The following CLDN14 variants were observed in gnomAD, a reference collection of about 807,000 sequenced individuals.
CLDN14 encodes the protein claudin 14.
A neutral mutation model predicts 2.1 loss-of-function variants in CLDN14; 2 were observed. The observed-to-expected ratio is 0.96, with a 90% CI of 0.39 to 3.01. The LOEUF (loss-of-function observed/expected upper bound fraction) is 3.01, where lower values mean the gene tolerates loss of function less well. CLDN14 is among the 30% of genes most tolerant of loss of function. The pLI is 0.09. For missense variants in CLDN14, 298 were observed against 328.0 expected (o/e 0.91, Z 0.71); for synonymous variants, 136 against 154.4 (o/e 0.88, Z 0.88).
At chr21:36,505,317 A>T (rs1479228089) in intron 2 of CLDN14, among the ~76,000 whole-genome samples, 1 of 152,250 alleles carries the variant, frequency 6.6e-6, no homozygotes, top group African/African-American at 2.4e-5. Flanking sequence ...ATAGATTGGA[A>T]TTTTTTAAAA....
At chr21:36,504,294 C>T (rs752265186) in intron 2 of CLDN14, among the ~76,000 whole-genome samples, 4 of 151,908 alleles carry the variant, frequency 2.6e-5, no homozygotes, top group South Asian at 2.1e-4. Flanking sequence ...GAGTTATGAT[C>T]GTGCCATTGC....
chr21:36,504,976 C>T (rs1474937712), intron 2 of CLDN14, among the ~76,000 whole-genome samples: 1 of 152,120 alleles, frequency 6.6e-6, no homozygotes, highest in East Asian at 1.9e-4. Flanking sequence ...TTGACCCAGG[C>T]CCTCCCTGAC....
intron 1 of CLDN14, among the ~76,000 whole-genome samples, chr21:36,514,619 GAAA>G (rs1568865574): frequency 0.012 from 228 of 18,334 alleles, 2 homozygotes; most frequent in Middle Eastern, 0.062. Context: ...TATCGTGAGA[GAAA>G]GTGTGTGTGT....
At chr21:36,527,197 A>G (rs774226421) in intron 1 of CLDN14, among the ~76,000 whole-genome samples, 1 of 152,218 alleles carries the variant, frequency 6.6e-6, no homozygotes, top group Admixed American at 6.5e-5. Flanking sequence ...AGCATGTCAG[A>G]TTTAAAATAT....
At chr21:36,497,926 C>G (rs566876995) in intron 2 of CLDN14, among the ~76,000 whole-genome samples, 1 of 152,116 alleles carries the variant, frequency 6.6e-6, no homozygotes, top group East Asian at 1.9e-4. Flanking sequence ...TCTTCAGTCT[C>G]AGTCTCAGCC....
At chr21:36,497,411 GAGGAAGGGAGGGAGGC>G (rs1568859570) in intron 2 of CLDN14, among the ~76,000 whole-genome samples, 1 of 27,604 alleles carries the variant, frequency 3.6e-5, no homozygotes, top group Non-Finnish European at 1.7e-4. Flanking sequence ...GGGAGGGAGG[GAGGAAGGGAGGGAGGC>G]AGGCGGCAGG....
chr21:36,527,124 C>A (rs2087337918), intron 1 of CLDN14, among the ~76,000 whole-genome samples: 1 of 152,262 alleles, frequency 6.6e-6, no homozygotes, highest in Non-Finnish European at 1.5e-5. Flanking sequence ...GGGTCCAACA[C>A]TGTGAAGCTC....
intron 1 of CLDN14, among the ~76,000 whole-genome samples, chr21:36,522,949 G>T (rs533049587): frequency 1.4e-3 from 207 of 152,242 alleles, no homozygotes; most frequent in African/African-American, 4.7e-3. Flanking sequence ...TTGTTCAGGG[G>T]AAAGGGGAGA....
intron 1 of CLDN14, chr21:36,542,525 G>C (rs2087498162): frequency 6.6e-6 from 1 of 152,346 alleles, no homozygotes; most frequent in Non-Finnish European, 1.5e-5. Context: ...AAAGTCCCGA[G>C]GCTGGCAGTG....
At chr21:36,557,911 A>C (rs2087610227) in intron 1 of CLDN14, among the ~76,000 whole-genome samples, 1 of 152,142 alleles carries the variant, frequency 6.6e-6, no homozygotes, top group African/African-American at 2.4e-5. Flanking sequence ...TAGAGGTTTC[A>C]GGTCTTAGGT....
At chr21:36,487,138 C>A (rs1053921651) in intron 2 of CLDN14, 11 of 207,424 alleles carry the variant, frequency 5.3e-5, no homozygotes, top group Non-Finnish European at 9.6e-5. Context: ...GCGCCTGCCA[C>A]CACACCCGGC....
At chr21:36,554,824 C>T (rs1157651767) in intron 1 of CLDN14, among the ~76,000 whole-genome samples, 4 of 152,202 alleles carry the variant, frequency 2.6e-5, no homozygotes, top group South Asian at 2.1e-4. Context: ...GATTACCTCC[C>T]GCCCCTGCCT....
At chr21:36,534,890 TCTCC>T (rs2087412079) in intron 1 of CLDN14, among the ~76,000 whole-genome samples, 1 of 152,040 alleles carries the variant, frequency 6.6e-6, no homozygotes, top group South Asian at 2.1e-4. Context: ...AATGCAACCA[TCTCC>T]CTCCCTGAGG....
At chr21:36,552,923 T>C (rs2087572799) in intron 1 of CLDN14, among the ~76,000 whole-genome samples, 1 of 152,182 alleles carries the variant, frequency 6.6e-6, no homozygotes, top group African/African-American at 2.4e-5. Flanking sequence ...GACTACTCCC[T>C]TGGACATGTG....
intron 1 of CLDN14, among the ~76,000 whole-genome samples, chr21:36,518,925 A>G (rs1222572920): frequency 2.0e-5 from 3 of 152,178 alleles, no homozygotes; most frequent in Non-Finnish European, 2.9e-5. Flanking sequence ...CCCCGCTAGT[A>G]AAACCTATTT....
At chr21:36,466,715 A>G (rs1475896398) in intron 1 of CLDN14, among the ~76,000 whole-genome samples, 1 of 152,164 alleles carries the variant, frequency 6.6e-6, no homozygotes. Flanking sequence ...AAACACAATC[A>G]TGTCCTTCCA....
At chr21:36,562,074 C>A (rs1265021677) in intron 1 of CLDN14, among the ~76,000 whole-genome samples, 1 of 151,962 alleles carries the variant, frequency 6.6e-6, no homozygotes, top group Non-Finnish European at 1.5e-5. Context: ...CATGAAAATG[C>A]AGCAAAGAAG....
At chr21:36,486,541 C>A (rs751962904) in intron 2 of CLDN14, 2 of 1,562,812 alleles carry the variant, frequency 1.3e-6, no homozygotes, top group Non-Finnish European at 1.8e-6. Context: ...CAGCCAAAAT[C>A]GGAGAACTGA....
At chr21:36,480,700 T>A (rs2086835535), upstream of CLDN14, 1 of 152,106 alleles carries the variant, frequency 6.6e-6, no homozygotes, top group South Asian at 2.1e-4. Flanking sequence ...AATTGAGAAG[T>A]GTGCTGAGAG....
Sources: gnomAD v4.1 joint callset for allele counts (sites outside exome capture counted in the v4.1 genomes callset) on GRCh38, gnomAD v4.1.1 for gene constraint, MANE v1.5 for transcripts, NCBI Gene and HGNC (gene_info 2026-07-23, HGNC 2026-07-21) for gene names.